The following DNASE1L3 variants were observed in gnomAD, a reference collection of about 807,000 sequenced individuals.
The protein encoded by DNASE1L3 is deoxyribonuclease 1L3, also known as deoxyribonuclease gamma.
In DNASE1L3, 27 loss-of-function variants were observed where a neutral mutation model predicts 30.9. That is an observed-to-expected ratio of 0.87 (90% CI 0.64 to 1.20). The LOEUF is 1.20. DNASE1L3 is among the 50% of genes most tolerant of loss of function. The pLI is 0.00. For synonymous variants in DNASE1L3, 135 were observed against 138.0 expected (o/e 0.98, Z 0.15); for missense variants, 364 against 378.2 (o/e 0.96, Z 0.31).
rs941139882 is a variant in DNASE1L3, at chr3:58,197,702, C to T, written c.704+119G>A. The T allele has an allele frequency of 3.3e-5, 45 of 1,375,558 alleles. No homozygotes were observed. The highest frequency in any genetic ancestry group is 5.7e-5 in the African/African-American group (4 of 70,056). 85.2% of individuals were successfully genotyped at this position (1,375,558 alleles called of 1,614,324 possible). A position where few individuals can be genotyped will look rare whatever the true frequency, so the allele number is the denominator to read the frequency against. On this transcript the variant is annotated intron_variant, in intron 6 of 7. Transcript: ENST00000394549. This position sits in a 1 kb window ranked among gnomAD's most constrained non-coding sequence, Gnocchi z 5.3. The stretch of plus-strand genomic sequence containing the variant: ...TCCTGTACTCAAGCGATCCATCCAT[C>T]GAGGCCTCCCAAAGTGCTAGGACTA...
intron 6 of DNASE1L3, among the ~76,000 whole-genome samples, chr3:58,196,715 T>C (rs1037517851): frequency 6.6e-6 from 1 of 151,960 alleles, no homozygotes; most frequent in African/African-American, 2.4e-5. Context: ...CCACCTGTGG[T>C]CTCTGTGATG....
rs2107370333 is a variant in DNASE1L3, at chr3:58,197,370, C to T, written c.704+451G>A. The stretch of plus-strand genomic sequence containing the variant: ...GGCCACCGCATAGGGTCCTGTGGTT[C>T]ATACGCTACATGTGGTACCCAGTAG... On this transcript the variant is annotated intron_variant, in intron 6 of 7. Transcript: ENST00000394549. The surrounding 1 kb of genome is among the most constrained non-coding windows in gnomAD (Gnocchi z 5.3). Among the ~76,000 whole-genome samples, 1 of 152,282 alleles carries T rather than the reference C, an allele frequency of 6.6e-6. No individual in the cohort carries two copies. The highest frequency in any genetic ancestry group is 2.1e-4 in the South Asian group (1 of 4,822).
intron 5 of DNASE1L3, 32 bp from the exon 6 acceptor site, chr3:58,198,010 T>C: frequency 5.7e-6 from 9 of 1,579,860 alleles, no homozygotes; most frequent in Non-Finnish European, 7.7e-6. Context: ...TGTCACCTGG[T>C]GGGTGCTGCT....
rs563166164 is a variant in DNASE1L3 at position 58,204,778 on chromosome 3, G to T, written c.424C>A (p.Pro142Thr). 1.1e-5 allele frequency: 18 copies of T among 1,614,044 alleles called. No homozygotes were observed. In the Admixed American group the frequency reaches 3.0e-4, roughly 27 times the overall value. ...REPFVVWFQS[P>T]HTAVKDFVII... is the part of the protein sequence containing the mutation. ...CCTGTGTGGGTCTTACCAGTGTGGG[G>T]AGATTGGAACCAGACCACAAAGGGC... is the stretch of plus-strand genomic sequence containing the variant. The change falls in exon 4 of 8, where the codon CCC becomes ACC. Residue 142 changes from proline (P) to threonine (T), a missense_variant. Transcript: ENST00000394549.
rs545386551 is a variant in DNASE1L3, at chr3:58,197,515, C to T, written c.704+306G>A. Among the ~76,000 whole-genome samples the T allele has an allele frequency of 3.9e-5, 6 of 152,208 alleles. No homozygotes were observed. In the South Asian group the frequency reaches 1.0e-3, roughly 26 times the overall value. The stretch of plus-strand genomic sequence containing the variant: ...TTACCCAGGCTGGAGTGCAGTGGTG[C>T]GATCCTGGCTCACTGCAGCCTCCAC... On this transcript the variant is annotated intron_variant, in intron 6 of 7. Transcript: ENST00000394549. This position sits in a 1 kb window ranked among gnomAD's most constrained non-coding sequence, Gnocchi z 5.3.
intron 6 of DNASE1L3, among the ~76,000 whole-genome samples, chr3:58,196,175 C>T (rs989093673): frequency 3.3e-5 from 5 of 151,980 alleles, no homozygotes; most frequent in East Asian, 1.9e-4. Flanking sequence ...GCACTTAGAC[C>T]CCTGTAACTC....
At chr3:58,193,624 C>T (rs1048318949) in intron 6 of DNASE1L3, among the ~76,000 whole-genome samples, 185 bp from the exon 7 acceptor site, 1 of 152,234 alleles carries the variant, frequency 6.6e-6, no homozygotes, top group Non-Finnish European at 1.5e-5. Context: ...GAAATAGGAT[C>T]AGTCCCTGCC....
At chr3:58,208,151 C>T (rs1423930407) in intron 2 of DNASE1L3, 67 bp downstream of exon 2, 2 of 1,494,264 alleles carry the variant, frequency 1.3e-6, no homozygotes, top group Non-Finnish European at 1.9e-6. Context: ...CTTTCAGTTC[C>T]CAGGGGTTTT....
intron 2 of DNASE1L3, chr3:58,207,934 A>G (rs1438642013): frequency 2.9e-6 from 1 of 347,406 alleles, no homozygotes; most frequent in Non-Finnish European, 5.2e-6. Context: ...TTTCTCCAAC[A>G]TTTTCTTCAT....
intron 3 of DNASE1L3, 118 bp downstream of exon 3, chr3:58,205,353 T>G: frequency 1.1e-6 from 1 of 911,340 alleles, no homozygotes; most frequent in Non-Finnish European, 1.8e-6. Flanking sequence ...GCAATTATTT[T>G]GATGAACACT....
intron 4 of DNASE1L3, among the ~76,000 whole-genome samples, chr3:58,203,413 T>C (rs1402962389): frequency 6.6e-6 from 1 of 152,204 alleles, no homozygotes; most frequent in South Asian, 2.1e-4. Flanking sequence ...ACCTCCTCTG[T>C]CTTGTCCAGT....
chr3:58,208,089 C>T (rs1224802578), intron 2 of DNASE1L3, 129 bp downstream of exon 2: 1 of 843,692 alleles, frequency 1.2e-6, no homozygotes, highest in African/African-American at 1.7e-5. Flanking sequence ...AGCTGGACTC[C>T]TGGGCAACAC....
chr3:58,194,004 C>T lies in DNASE1L3; in HGVS notation c.705-565G>A, dbSNP rs2097395715. ...GCTGCTTTCTTACTCATGCTAGTAT[C>T]ATGAAATTTCTTTTAAAAATTTATT... On this transcript the variant is annotated intron_variant, in intron 6 of 7. Transcript: ENST00000394549. Among the ~76,000 whole-genome samples, 3 of 152,160 alleles carry T rather than the reference C, an allele frequency of 2.0e-5. 1 individual carries two copies. The highest frequency in any genetic ancestry group is 4.4e-5 in the Non-Finnish European group (3 of 68,024).
Position 58,210,838 on chromosome 3 carries a change from G to C in DNASE1L3, c.69C>G (p.Ile23Met). 1 of 1,614,172 alleles carries C rather than the reference G, an allele frequency of 6.2e-7. No individual in the cohort carries two copies. The highest frequency in any genetic ancestry group is 8.5e-7 in the Non-Finnish European group (1 of 1,180,034). The change falls in exon 1 of 8, where the codon ATC becomes ATG. Residue 23 changes from isoleucine (I) to methionine (M), a missense_variant. Coordinates refer to ENST00000394549, the MANE Select transcript of DNASE1L3 (RefSeq NM_004944.4). ...LSIHSALAMR[I>M]CSFNVRSFGE... ...CAAAGGACCTGACGTTGAAGGAGCAGATCCTCATGGCCAGGGCGCTGTGGA... is the reference window on the plus strand; with the variant it reads ...CAAAGGACCTGACGTTGAAGGAGCACATCCTCATGGCCAGGGCGCTGTGGA...
At position 58,210,785 on chromosome 3, in the gene DNASE1L3, G is replaced by T. The variant is rs145973332; in HGVS notation, c.122C>A (p.Ala41Asp). 6.2e-7 allele frequency: 1 copy of T among 1,614,122 alleles called. No individual in the cohort carries two copies. The highest frequency in any genetic ancestry group is 8.5e-7 in the Non-Finnish European group (1 of 1,180,010). Reference protein sequence around the residue: ...FGESKQEDKNAMDVIVKVIKR... With the variant: ...FGESKQEDKNDMDVIVKVIKR... ...GCTCACCTTCACAATGACATCCATG[G>T]CATTCTTGTCTTCCTGCTTGCTTTC... The change falls in exon 1 of 8, where the codon GCC (alanine) becomes GAC (aspartate). Residue 41 changes from alanine (A) to aspartate (D), a missense_variant. Ala to Asp is a moderately radical substitution (Grantham distance 126, BLOSUM62 -2). Coordinates refer to ENST00000394549, the MANE Select transcript of DNASE1L3 (RefSeq NM_004944.4).
At chr3:58,210,348 G>A (rs147005721) in intron 1 of DNASE1L3, among the ~76,000 whole-genome samples, 1 of 152,126 alleles carries the variant, frequency 6.6e-6, no homozygotes, top group South Asian at 2.1e-4. Context: ...GCTGTATAAG[G>A]TTACTTCATC....
At chr3:58,207,102 G>A (rs564468150) in intron 2 of DNASE1L3, among the ~76,000 whole-genome samples, 28 of 152,216 alleles carry the variant, frequency 1.8e-4, no homozygotes, top group Admixed American at 7.8e-4. Flanking sequence ...CAGGTGCAGC[G>A]GCTCACACCT....
chr3:58,201,952 A>C (rs2097400909), intron 4 of DNASE1L3, among the ~76,000 whole-genome samples: 1 of 152,222 alleles, frequency 6.6e-6, no homozygotes, highest in Non-Finnish European at 1.5e-5. Flanking sequence ...TTCTGTTTCT[A>C]AATAAACATT....
At chr3:58,195,844 C>G (rs950545497) in intron 6 of DNASE1L3, among the ~76,000 whole-genome samples, 1 of 152,048 alleles carries the variant, frequency 6.6e-6, no homozygotes, top group Non-Finnish European at 1.5e-5. Context: ...AAACAAAATT[C>G]AGAGCATCAA....
Sources: gnomAD v4.1 joint callset for allele counts (sites outside exome capture counted in the v4.1 genomes callset) on GRCh38, gnomAD v4.1.1 for gene constraint, Gnocchi (gnomAD v3.1) non-coding constraint, MANE v1.5 for transcripts, NCBI Gene and HGNC (gene_info 2026-07-23, HGNC 2026-07-21) for gene names.